EGF: variants seen among roughly 807,000 people sequenced by gnomAD.
EGF encodes pro-epidermal growth factor.
In EGF, 95 loss-of-function variants were observed where a neutral mutation model predicts 143.8. That is an observed-to-expected ratio of 0.66 (90% CI 0.56 to 0.78). The LOEUF is 0.78. EGF is among the 30% of genes least tolerant of loss of function. EGF has a pLI of 0.00. For missense variants in EGF, 1,320 were observed against 1,470.9 expected (o/e 0.90, Z 1.68); for synonymous variants, 510 against 510.5 (o/e 1.00, Z 0.01).
At chr4:109,941,977 C>T (rs996194654) in intron 2 of EGF, among the ~76,000 whole-genome samples, 1 of 152,170 alleles carries the variant, frequency 6.6e-6, no homozygotes, top group African/African-American at 2.4e-5. Flanking sequence ...AATGCAAAGT[C>T]CACACTATTT....
rs181925220 is a variant in EGF at position 110,011,172 on chromosome 4, A to C, written c.3371-30A>C. 193 of 1,612,350 alleles carry C rather than the reference A, an allele frequency of 1.2e-4. No homozygotes were observed. The East Asian group carries it at 4.1e-3, about 34-fold the overall frequency. The stretch of plus-strand genomic sequence containing the variant: ...TGCCTATCTATTGTTAATGATATGA[A>C]TATTGAAATTTCTTTTGTCTTTCAT... On this transcript the variant is annotated intron_variant, in intron 23 of 23. Coordinates refer to ENST00000265171, the MANE Select transcript of EGF (RefSeq NM_001963.6).
At chr4:109,918,107 CTACACAATAGCAAA>C (rs1737021433) in intron 1 of EGF, among the ~76,000 whole-genome samples, 1 of 152,140 alleles carries the variant, frequency 6.6e-6, no homozygotes. Context: ...TATTTTCTTT[CTACACAATAGCAAA>C]CCATCTTACA....
intron 16 of EGF, among the ~76,000 whole-genome samples, chr4:109,987,379 C>T (rs11569040): frequency 5.4e-4 from 82 of 151,988 alleles, no homozygotes; most frequent in Non-Finnish European, 8.7e-4. Flanking sequence ...TCTTGTCTCA[C>T]GGCCGCATCA....
In EGF at chr4:110,011,576, C is replaced by T; in HGVS notation, c.*121C>T. 6 of 1,454,390 alleles carry T rather than the reference C, an allele frequency of 4.1e-6. No individual in the cohort carries two copies. The highest frequency in any genetic ancestry group is 5.7e-6 in the Non-Finnish European group (6 of 1,056,296). 90.1% of individuals were successfully genotyped at this position (1,454,390 alleles called of 1,614,324 possible). A position where few individuals can be genotyped will look rare whatever the true frequency, so the allele number is the denominator to read the frequency against. ...CACAATCTCTACGACTAATCACCTA[C>T]TCAATGCCTGGAGACAGATACGTAG... On this transcript the variant is annotated 3_prime_UTR_variant, in exon 24 of 24. Coordinates refer to ENST00000265171, the MANE Select transcript of EGF (RefSeq NM_001963.6).
intron 21 of EGF, among the ~76,000 whole-genome samples, chr4:110,002,719 C>A (rs1752729241): frequency 6.6e-6 from 1 of 151,664 alleles, no homozygotes; most frequent in Non-Finnish European, 1.5e-5. Context: ...CACAGGTAAA[C>A]TTGTGTCACT....
rs1241861205 is a variant in EGF, at chr4:109,959,376, G to A, written c.1005G>A (p.Gln335=). The change falls in exon 6 of 24, where the codon CAG becomes CAA. Residue 335 remains glutamine, a synonymous_variant. Coordinates refer to ENST00000265171, the MANE Select transcript of EGF (RefSeq NM_001963.6). ...GCACTGTGTGTGGGCAAGACCTCCAGTCACACTTGTGCATGTGTGCAGAGG... is the reference window on the plus strand; with the variant it reads ...GCACTGTGTGTGGGCAAGACCTCCAATCACACTTGTGCATGTGTGCAGAGG... ...CSSTVCGQDL[Q]SHLCMCAEGY... 1.9e-6 allele frequency: 3 copies of A among 1,613,952 alleles called. No individual in the cohort carries two copies. The highest frequency in any genetic ancestry group is 2.2e-5 in the East Asian group (1 of 44,878).
At chr4:109,981,730 G>A (rs1287958968) in intron 15 of EGF, among the ~76,000 whole-genome samples, 1 of 152,130 alleles carries the variant, frequency 6.6e-6, no homozygotes, top group South Asian at 2.1e-4. Context: ...ATGAAAAAAA[G>A]AGGCTAGTTT....
At chr4:109,978,148 G>C (rs1748795692) in intron 13 of EGF, among the ~76,000 whole-genome samples, 1 of 152,178 alleles carries the variant, frequency 6.6e-6, no homozygotes, top group South Asian at 2.1e-4. Context: ...TTTCTTCTAA[G>C]AGTGGATGTT....
chr4:109,982,457 A>G (rs190904583), intron 15 of EGF, among the ~76,000 whole-genome samples: 24 of 152,056 alleles, frequency 1.6e-4, no homozygotes, highest in Admixed American at 1.1e-3. Context: ...CCTCCCGAGT[A>G]GCTGGGATTA....
chr4:109,925,697 A>G (rs1022435689), intron 1 of EGF, among the ~76,000 whole-genome samples: 1 of 152,242 alleles, frequency 6.6e-6, no homozygotes, highest in Admixed American at 6.5e-5. Flanking sequence ...ATGAGAGAGT[A>G]AGGGAAAAAT....
intron 5 of EGF, among the ~76,000 whole-genome samples, chr4:109,954,720 T>C (rs1208945006): frequency 6.6e-6 from 1 of 152,230 alleles, no homozygotes. Context: ...TTTATATTTA[T>C]GCAAATGCAT....
chr4:109,990,116 A>T (rs1750722378), intron 18 of EGF, among the ~76,000 whole-genome samples: 2 of 152,288 alleles, frequency 1.3e-5, no homozygotes, highest in Admixed American at 1.3e-4. Flanking sequence ...TATTGAAATT[A>T]TATCAGGAAC....
At chr4:109,926,350 C>CTTT (rs60679717) in intron 1 of EGF, among the ~76,000 whole-genome samples, 1 of 124,510 alleles carries the variant, frequency 8.0e-6, no homozygotes. Context: ...GAGACACTGT[C>CTTT]TTTTTTTTTT....
chr4:109,929,332 T>C (rs1188151434), intron 1 of EGF, among the ~76,000 whole-genome samples: 3 of 152,134 alleles, frequency 2.0e-5, no homozygotes, highest in Admixed American at 1.3e-4. Flanking sequence ...AAAATAGAGA[T>C]GTTGAGAGCA....
chr4:109,944,306 G>C (rs1042322343), intron 4 of EGF, among the ~76,000 whole-genome samples: 6 of 152,008 alleles, frequency 3.9e-5, no homozygotes, highest in Admixed American at 3.9e-4. Flanking sequence ...GGGCGTGGTG[G>C]CGAGCACCTG....
At chr4:109,981,285 T>C (rs1282748352) in intron 15 of EGF, among the ~76,000 whole-genome samples, 17 of 152,184 alleles carry the variant, frequency 1.1e-4, no homozygotes, top group Admixed American at 9.8e-4. Context: ...ACAAAAATGT[T>C]CAGCGATATT....
chr4:109,947,241 T>C (rs1410861213), intron 5 of EGF, among the ~76,000 whole-genome samples: 3 of 152,188 alleles, frequency 2.0e-5, no homozygotes, highest in African/African-American at 7.2e-5. Flanking sequence ...ATGTACCTCA[T>C]AAATGATGTG....
intron 5 of EGF, among the ~76,000 whole-genome samples, chr4:109,948,928 G>A (rs1743325986): frequency 6.6e-6 from 1 of 152,142 alleles, no homozygotes; most frequent in Non-Finnish European, 1.5e-5. Flanking sequence ...CTTCAATGAA[G>A]AAATAACAGA....
At chr4:109,995,345 C>A (rs1371462659) in intron 20 of EGF, among the ~76,000 whole-genome samples, 1 of 152,154 alleles carries the variant, frequency 6.6e-6, no homozygotes, top group Non-Finnish European at 1.5e-5. Context: ...TTCTTCAAAA[C>A]TAATCATATG....
Sources: gnomAD v4.1 joint callset for allele counts (sites outside exome capture counted in the v4.1 genomes callset) on GRCh38, gnomAD v4.1.1 for gene constraint, MANE v1.5 for transcripts, NCBI Gene and HGNC (gene_info 2026-07-23, HGNC 2026-07-21) for gene names.